RCOR1: variants seen among roughly 807,000 people sequenced by gnomAD.
RCOR1 encodes the protein REST corepressor 1.
Under a neutral mutation model 64.0 loss-of-function variants are expected in RCOR1, and 12 were observed. The observed-to-expected ratio is 0.19, with a 90% CI of 0.12 to 0.30. The LOEUF (loss-of-function observed/expected upper bound fraction) is 0.30, where lower values mean the gene tolerates loss of function less well. RCOR1 is among the 10% of genes least tolerant of loss of function. The probability of loss-of-function intolerance (pLI) is 1.00; values close to 1 mark genes in which losing one functional copy is unlikely to be tolerated. For missense variants in RCOR1, 502 were observed against 621.2 expected (o/e 0.81, Z 2.04); for synonymous variants, 279 against 227.2 (o/e 1.23, Z -2.05).
At chr14:102,673,358 A>G (rs868085174) in intron 2 of RCOR1, among the ~76,000 whole-genome samples, 22 of 144,998 alleles carry the variant, frequency 1.5e-4, no homozygotes, top group Middle Eastern at 3.6e-3. Flanking sequence ...TTTTTTTAAG[A>G]CAGAGTCTCC....
At chr14:102,708,615 C>A in intron 6 of RCOR1, 32 bp downstream of exon 6, 1 of 1,212,692 alleles carries the variant, frequency 8.2e-7, no homozygotes, top group Non-Finnish European at 1.2e-6. Context: ...TGTCTAACCA[C>A]TTAGGGGACT....
intron 11 of RCOR1, among the ~76,000 whole-genome samples, chr14:102,723,865 C>G (rs925914509): frequency 6.6e-6 from 1 of 152,138 alleles, no homozygotes; most frequent in African/African-American, 2.4e-5. Context: ...ATTCCCTCTT[C>G]GCATTTGATC....
chr14:102,648,984 A>G (rs925017253), intron 2 of RCOR1, among the ~76,000 whole-genome samples: 2 of 151,920 alleles, frequency 1.3e-5, no homozygotes, highest in African/African-American at 4.8e-5. Flanking sequence ...AGATAGCCTG[A>G]TGTGTTGAGA....
In RCOR1 at chr14:102,592,913, C is replaced by T. The variant is rs1893157933; in HGVS notation, c.27C>T (p.Pro9=). Residue 9 remains proline, a synonymous_variant, in exon 1 of 12, where the codon CCC becomes CCT. Transcript: ENST00000262241. MPAMVEKG[P]EVSGKRRGRN... The stretch of plus-strand genomic sequence containing the variant: ...TGCCGGCCATGGTGGAGAAGGGCCC[C>T]GAGGTCTCAGGGAAGCGGAGAGGGA... The T allele has an allele frequency of 1.6e-6, 2 of 1,242,628 alleles. No homozygotes were observed. Among genetic ancestry groups the T allele is most frequent in the Non-Finnish European group, 2.0e-6 (2 of 986,774 alleles). 77.0% of individuals were successfully genotyped at this position (1,242,628 alleles called of 1,614,324 possible). A position where few individuals can be genotyped will look rare whatever the true frequency, so the allele number is the denominator to read the frequency against.
At chr14:102,647,048 T>C (rs959746136) in intron 2 of RCOR1, among the ~76,000 whole-genome samples, 2 of 152,188 alleles carry the variant, frequency 1.3e-5, no homozygotes, top group African/African-American at 4.8e-5. Flanking sequence ...GGAAACAATA[T>C]TAAATCAACA....
At chr14:102,673,525 C>G (rs893650083) in intron 2 of RCOR1, among the ~76,000 whole-genome samples, 3 of 151,536 alleles carry the variant, frequency 2.0e-5, no homozygotes, top group Non-Finnish European at 4.4e-5. Flanking sequence ...TTAGTAGAGA[C>G]GGGGTTTCAC....
intron 2 of RCOR1, among the ~76,000 whole-genome samples, chr14:102,597,369 C>T (rs1023093237): frequency 5.9e-5 from 9 of 151,670 alleles, no homozygotes; most frequent in African/African-American, 1.9e-4. Flanking sequence ...CGCTCTTTCA[C>T]CCAGGCTGGA....
At chr14:102,687,844 G>A (rs1164996827) in intron 3 of RCOR1, among the ~76,000 whole-genome samples, 1 of 152,134 alleles carries the variant, frequency 6.6e-6, no homozygotes, top group Non-Finnish European at 1.5e-5. Flanking sequence ...AGCTTTCCTA[G>A]GTAGAAACAA....
At chr14:102,676,741 C>A (rs1595225122) in intron 2 of RCOR1, among the ~76,000 whole-genome samples, 1 of 109,358 alleles carries the variant, frequency 9.1e-6, no homozygotes, top group Non-Finnish European at 1.9e-5. Flanking sequence ...TGACCCCCCC[C>A]ACCTCCCTCC....
chr14:102,647,433 C>G (rs974817289), intron 2 of RCOR1, among the ~76,000 whole-genome samples: 3 of 152,152 alleles, frequency 2.0e-5, no homozygotes, highest in African/African-American at 7.2e-5. Flanking sequence ...TCTCCTGCCT[C>G]AGCCTCCCAA....
chr14:102,715,225 C>A (rs1034709839), intron 8 of RCOR1, among the ~76,000 whole-genome samples: 4 of 151,908 alleles, frequency 2.6e-5, no homozygotes, highest in African/African-American at 9.7e-5. Context: ...CCCACCACCA[C>A]GCCCAGCTAA....
intron 2 of RCOR1, among the ~76,000 whole-genome samples, chr14:102,615,317 T>G (rs913417369): frequency 1.3e-5 from 2 of 151,396 alleles, no homozygotes; most frequent in African/African-American, 2.4e-5. Context: ...TTTTTAATAT[T>G]TTTTAGTAGA....
chr14:102,681,845 A>G, intron 2 of RCOR1, 50 bp from the exon 3 acceptor site: 2 of 1,317,356 alleles, frequency 1.5e-6, no homozygotes, highest in East Asian at 2.5e-5. Context: ...CTTATAGCTT[A>G]TTATATGTGT....
rs374568799 is a variant in RCOR1, at chr14:102,707,882, G to A, written c.660+370G>A. On this transcript the variant is annotated intron_variant, in intron 5 of 11. Transcript: ENST00000262241. ...TGGCTCACTGCAACCTCCGCCTCCC[G>A]GGTTCAAGCGATTCTCCTGCCTCAG... Among the ~76,000 whole-genome samples, 37 of 152,076 alleles carry A rather than the reference G, an allele frequency of 2.4e-4. 1 individual carries two copies. In the East Asian group the frequency reaches 6.2e-3, roughly 25 times the overall value.
rs958578083 is a variant in RCOR1 at position 102,636,520 on chromosome 14, A to C, written c.361+43195A>C. Reference sequence around the variant, plus strand: ...GGTCTCGAACTTCTGACCTCAGGCTATTTCTTCCCCCAGGGCCTCCCAAAG... The same window carrying C: ...GGTCTCGAACTTCTGACCTCAGGCTCTTTCTTCCCCCAGGGCCTCCCAAAG... On this transcript the variant is annotated intron_variant, in intron 2 of 11. Coordinates refer to ENST00000262241, the MANE Select transcript of RCOR1 (RefSeq NM_015156.4). Among the ~76,000 whole-genome samples, 3 of 150,220 alleles carry C rather than the reference A, an allele frequency of 2.0e-5. No homozygotes were observed. In the South Asian group the frequency reaches 6.5e-4, roughly 32 times the overall value.
chr14:102,714,088 GGCCACAAAACTCATTA>G lies in RCOR1; in HGVS notation c.859-332_859-317del, dbSNP rs1195449593. ...TGTAGCTAAATACAGATGTGTGTGT[GGCCACAAAACTCATTA>G]GCAGAGAATACAGATTTTTTTCTTT... On this transcript the variant is annotated intron_variant, in intron 7 of 11. Transcript: ENST00000262241. Among the ~76,000 whole-genome samples the G allele has an allele frequency of 3.1e-4, 47 of 152,142 alleles. 1 individual carries two copies. The highest frequency in any genetic ancestry group is 3.1e-3 in the Admixed American group (47 of 15,264).
In RCOR1 at chr14:102,642,052, T is replaced by TG. The variant is rs796109205; in HGVS notation, c.362-39839dup. On this transcript the variant is annotated intron_variant, in intron 2 of 11. Transcript: ENST00000262241. The stretch of plus-strand genomic sequence containing the variant: ...TCGTGATTTGATAAGGTCCATTATT[T>TG]GGGGACAAGGGTGGTTAACATAGGG... 7.9e-5 allele frequency among the ~76,000 whole-genome samples: 12 copies of TG among 152,330 alleles called. No homozygotes were observed. In the East Asian group the frequency reaches 1.7e-3, roughly 22 times the overall value.
chr14:102,630,370 A>G (rs771241296), intron 2 of RCOR1, among the ~76,000 whole-genome samples: 46 of 152,324 alleles, frequency 3.0e-4, no homozygotes, highest in Non-Finnish European at 5.9e-4. Context: ...TCATGAGCCA[A>G]GTGAATTTCT....
chr14:102,723,789 T>G (rs550608012), intron 11 of RCOR1, among the ~76,000 whole-genome samples: 7 of 152,328 alleles, frequency 4.6e-5, no homozygotes, highest in Non-Finnish European at 5.9e-5. Context: ...TTGCTTCTTG[T>G]GTGTGTGTTT....
Sources: allele counts gnomAD v4.1 joint callset (sites outside exome capture counted in the v4.1 genomes callset), GRCh38; gene constraint gnomAD v4.1.1; transcripts MANE v1.5; gene names NCBI Gene and HGNC (gene_info 2026-07-23, HGNC 2026-07-21).